The following PALB2 variants were observed in gnomAD, a reference collection of about 807,000 sequenced individuals.
PALB2 encodes partner and localizer of BRCA2, also known as mutant partner and localizer of BRCA2.
Under a neutral mutation model 107.4 loss-of-function variants are expected in PALB2, and 82 were observed. The ratio of observed to expected loss-of-function variants is 0.76; its 90% CI spans 0.64 to 0.92. PALB2 has a LOEUF of 0.92. PALB2 is among the 40% of genes least tolerant of loss of function. The probability of loss-of-function intolerance (pLI) is 0.00; values close to 1 mark genes in which losing one functional copy is unlikely to be tolerated. For synonymous variants in PALB2, 489 were observed against 496.8 expected, an observed-to-expected ratio of 0.98 and a Z score of 0.21; for missense variants, 1,374 against 1,379.9, an observed-to-expected ratio of 1.00 and a Z score of 0.07.
intron 10 of PALB2, among the ~76,000 whole-genome samples, chr16:23,619,352 T>C (rs1450234474): frequency 6.6e-6 from 1 of 152,138 alleles, no homozygotes; most frequent in Non-Finnish European, 1.5e-5. Flanking sequence ...CACACTTTTT[T>C]CTTTTCTTTT....
rs150730533 is a variant in PALB2 at position 23,621,231 on chromosome 16, C to A, written c.3113+131G>T. The A allele has an allele frequency of 3.6e-3, 2,589 of 727,084 alleles. 8 individuals are homozygous for A. Among genetic ancestry groups the A allele is most frequent in the Admixed American group, 6.8e-3 (332 of 48,480 alleles). 45.0% of individuals were successfully genotyped at this position (727,084 alleles called of 1,614,324 possible). Reference sequence around the variant, plus strand: ...TCTCAAAACACAACAAAAACAACAACAACAGCAACACAAAACCACAATCAT... The same window carrying A: ...TCTCAAAACACAACAAAAACAACAAAAACAGCAACACAAAACCACAATCAT... On this transcript the variant is annotated intron_variant, in intron 10 of 12. Transcript: ENST00000261584.
At chr16:23,636,427 A>C in intron 3 of PALB2, 93 bp from the exon 4 acceptor site, 1 of 816,076 alleles carries the variant, frequency 1.2e-6, no homozygotes, top group Middle Eastern at 3.7e-4. Context: ...AAATACTACT[A>C]AACATTTATT....
rs1966771666 is a variant in PALB2 at position 23,621,441 on chromosome 16, T to G, written c.3034A>C (p.Thr1012Pro). The G allele has an allele frequency of 1.9e-6, 3 of 1,614,046 alleles. No homozygotes were observed. Among genetic ancestry groups the G allele is most frequent in the Non-Finnish European group, 2.5e-6 (3 of 1,180,000 alleles). Residue 1012 changes from threonine to proline, a missense_variant, in exon 10 of 13, where the codon ACT becomes CCT. Coordinates refer to ENST00000261584, the MANE Select transcript of PALB2 (RefSeq NM_024675.4). ...ENQFLMPPEE[T>P]ILTFAEVQGM... ...TGGACCTCAGCAAAAGTTAGTATAG[T>G]CTCCTCAGGGGGCATCAAAAATTGG...
At chr16:23,618,485 G>A (rs899286320) in intron 10 of PALB2, among the ~76,000 whole-genome samples, 2 of 152,110 alleles carry the variant, frequency 1.3e-5, no homozygotes, top group Non-Finnish European at 2.9e-5. Flanking sequence ...GGAAATAAAA[G>A]CTGAAGGAAA....
chr16:23,612,685 C>T (rs924053327), intron 11 of PALB2, among the ~76,000 whole-genome samples: 16 of 152,086 alleles, frequency 1.1e-4, no homozygotes, highest in Non-Finnish European at 1.9e-4. Context: ...TGCCACCATG[C>T]CTGGCTAATT....
chr16:23,618,880 G>C (rs1567211777), intron 10 of PALB2, among the ~76,000 whole-genome samples: 2 of 152,126 alleles, frequency 1.3e-5, no homozygotes, highest in African/African-American at 2.4e-5. Flanking sequence ...TGCTCCAAGT[G>C]GCCAAGCGCT....
chr16:23,635,086 A>C lies in PALB2; in HGVS notation c.1460T>G (p.Val487Gly). 1 of 1,614,130 alleles carries C rather than the reference A, an allele frequency of 6.2e-7. No homozygotes were observed. The highest frequency in any genetic ancestry group is 1.1e-5 in the South Asian group (1 of 91,080). The change falls in exon 4 of 13, where the codon GTC becomes GGC. Residue 487 changes from valine (V) to glycine (G), a missense_variant. Physicochemically the swap from Val to Gly is moderately radical, Grantham distance 109. Transcript: ENST00000261584. ...TSQKLLSLTK[V>G]SSPAGPTEDN... ...TTCAGTGGGCCCAGCGGGAGAGCTG[A>C]CTTTAGTTAATGAGAGAAGTTTCTG...
At chr16:23,607,796 T>C in intron 12 of PALB2, 68 bp downstream of exon 12, 3 of 1,537,182 alleles carry the variant, frequency 2.0e-6, no homozygotes, top group South Asian at 2.2e-5. Context: ...CAAAAATATC[T>C]AGTTTTTGTG....
chr16:23,618,290 G>T (rs975170949), intron 10 of PALB2, among the ~76,000 whole-genome samples: 1 of 152,184 alleles, frequency 6.6e-6, no homozygotes, highest in Non-Finnish European at 1.5e-5. Context: ...TCCAGCCTGG[G>T]TACTGAGTGA....
At chr16:23,638,375 G>T (rs976025235) in intron 1 of PALB2, 4 of 567,316 alleles carry the variant, frequency 7.1e-6, no homozygotes, top group Non-Finnish European at 6.3e-6. Context: ...CCTTAGCTTA[G>T]ATTTTTATTT....
chr16:23,635,494 G>T lies in PALB2; in HGVS notation c.1052C>A (p.Thr351Lys), dbSNP rs876658656. ...ACTGGGAGATTTTAAAGATTTCTCT[G>T]TTTGATTTTGTTCTTTTAAGTTTTG... ...ENQNLKEQNQ[T>K]EKSLKSPSDT... The change falls in exon 4 of 13, where the codon ACA (threonine) becomes AAA (lysine). Residue 351 changes from threonine to lysine, a missense_variant. Coordinates refer to ENST00000261584, the MANE Select transcript of PALB2 (RefSeq NM_024675.4). The T allele has an allele frequency of 1.2e-6, 2 of 1,613,876 alleles. No individual in the cohort carries two copies. Among genetic ancestry groups the T allele is most frequent in the Non-Finnish European group, 1.7e-6 (2 of 1,179,942 alleles).
rs769634658 is a variant in PALB2 at position 23,629,876 on chromosome 16, G to A, written c.2278C>T (p.Leu760Phe). 1 of 1,614,206 alleles carries A rather than the reference G, an allele frequency of 6.2e-7. No individual in the cohort carries two copies. Among genetic ancestry groups the A allele is most frequent in the Non-Finnish European group, 8.5e-7 (1 of 1,180,040 alleles). Residue 760 changes from leucine (L) to phenylalanine (F), a missense_variant, in exon 5 of 13, where the codon CTT becomes TTT. By Grantham distance (22) the Leu-to-Phe change is conservative. Coordinates refer to ENST00000261584, the MANE Select transcript of PALB2 (RefSeq NM_024675.4). ...VAGRTCCTPQ[L>F]AHLKDSVCLA... Reference sequence around the variant, plus strand: ...CAGACTGAGTCTTTCAAATGAGCAAGTTGGGGTGTGCAGCAAGTTCGTCCA... The same window carrying A: ...CAGACTGAGTCTTTCAAATGAGCAAATTGGGGTGTGCAGCAAGTTCGTCCA...
At chr16:23,633,698 G>A (rs1294233348) in intron 4 of PALB2, among the ~76,000 whole-genome samples, 2 of 151,992 alleles carry the variant, frequency 1.3e-5, no homozygotes, top group African/African-American at 4.8e-5. Flanking sequence ...GATAGTCAGT[G>A]GAGTCTTAGT....
chr16:23,625,793 A>T (rs922211511), intron 7 of PALB2, among the ~76,000 whole-genome samples: 7 of 151,104 alleles, frequency 4.6e-5, no homozygotes, highest in African/African-American at 1.7e-4. Context: ...GCAGGACTCC[A>T]TCTCAATAAA....
chr16:23,634,761 CCT>C, intron 4 of PALB2, 99 bp downstream of exon 4: 2 of 1,494,366 alleles, frequency 1.3e-6, no homozygotes, highest in Non-Finnish European at 1.8e-6. Flanking sequence ...CACACTTGGC[CCT>C]GTCACTTTTT....
At chr16:23,618,869 G>A (rs1392817596) in intron 10 of PALB2, among the ~76,000 whole-genome samples, 1 of 152,170 alleles carries the variant, frequency 6.6e-6, no homozygotes, top group African/African-American at 2.4e-5. Context: ...CCTGGTGAAA[G>A]TGCTCCAAGT....
chr16:23,629,182 T>C lies in PALB2; in HGVS notation c.2586+22A>G, dbSNP rs369908879. ...TTTTCATATGTAAGACACGAGACAC[T>C]GGAAGAGAATATTCTTCTGACCTTT... On this transcript the variant is annotated intron_variant, in intron 6 of 12. Transcript: ENST00000261584. 31 of 1,583,462 alleles carry C rather than the reference T, an allele frequency of 2.0e-5. No homozygotes were observed. The African/African-American group carries it at 3.9e-4, about 20-fold the overall frequency.
chr16:23,631,951 A>G (rs1163983952), intron 4 of PALB2, among the ~76,000 whole-genome samples: 6 of 152,252 alleles, frequency 3.9e-5, no homozygotes, highest in East Asian at 1.9e-4. Context: ...GGCTCAAGCA[A>G]TCCTCCCACA....
At chr16:23,636,456 A>G in intron 3 of PALB2, 122 bp from the exon 4 acceptor site, 2 of 731,234 alleles carry the variant, frequency 2.7e-6, no homozygotes, top group Non-Finnish European at 2.1e-6. Flanking sequence ...AATCAGTGAC[A>G]TTTCATTCAG....
Sources: allele counts gnomAD v4.1 joint callset (sites outside exome capture counted in the v4.1 genomes callset), GRCh38; gene constraint gnomAD v4.1.1; transcripts MANE v1.5; gene names NCBI Gene and HGNC (gene_info 2026-07-23, HGNC 2026-07-21).